WDFY3: variants seen among roughly 807,000 people sequenced by gnomAD.
WDFY3 encodes the protein WD repeat and FYVE domain containing 3.
WDFY3 carries 66 observed loss-of-function variants against 409.6 expected under a neutral mutation model. The ratio of observed to expected loss-of-function variants is 0.16; its 90% CI spans 0.13 to 0.20. WDFY3 has a LOEUF of 0.20. WDFY3 is among the 10% of genes least tolerant of loss of function. The pLI, the probability that WDFY3 is intolerant of heterozygous loss-of-function variation, is 1.00. For synonymous variants in WDFY3, 1,521 were observed against 1,537.1 expected, an observed-to-expected ratio of 0.99 and a Z score of 0.25; for missense variants, 3,031 against 4,298.1, an observed-to-expected ratio of 0.71 and a Z score of 8.24.
intron 3 of WDFY3, among the ~76,000 whole-genome samples, chr4:84,862,488 A>G (rs1760780098): frequency 6.6e-6 from 1 of 152,224 alleles, no homozygotes; most frequent in Non-Finnish European, 1.5e-5. Context: ...TGTTCCAATA[A>G]CCTACTATGT....
At position 84,716,876 on chromosome 4, in the gene WDFY3, G is replaced by A. The variant is rs760995665; in HGVS notation, c.7875+20C>T. 6 of 1,543,472 alleles carry A rather than the reference G, an allele frequency of 3.9e-6. No individual in the cohort carries two copies. Among genetic ancestry groups the A allele is most frequent in the Non-Finnish European group, 5.2e-6 (6 of 1,146,262 alleles). ...CAGAATAAAGAAACATGATAAAACA[G>A]TACTACTAAATTGACTCACCTGCAG... On this transcript the variant is annotated intron_variant, in intron 49 of 67. Coordinates refer to ENST00000295888, the MANE Select transcript of WDFY3 (RefSeq NM_014991.6).
chr4:84,836,156 C>T (rs1578744476), intron 7 of WDFY3, among the ~76,000 whole-genome samples: 1 of 152,122 alleles, frequency 6.6e-6, no homozygotes, highest in East Asian at 1.9e-4. Context: ...AAAAATAATT[C>T]CCTTTTCTTC....
At chr4:84,935,170 T>C (rs1317877835) in intron 1 of WDFY3, among the ~76,000 whole-genome samples, 1 of 152,196 alleles carries the variant, frequency 6.6e-6, no homozygotes, top group Non-Finnish European at 1.5e-5. Flanking sequence ...ATTATGAACA[T>C]TTATGTTATG....
intron 46 of WDFY3, 123 bp downstream of exon 46, chr4:84,724,303 A>G: frequency 8.9e-7 from 1 of 1,121,184 alleles, no homozygotes; most frequent in Non-Finnish European, 1.2e-6. Context: ...GTGAGATGGT[A>G]AAATGTGTAT....
chr4:84,781,433 C>T lies in WDFY3; in HGVS notation c.4175-1135G>A, dbSNP rs561735612. On this transcript the variant is annotated intron_variant, in intron 25 of 67. Coordinates refer to ENST00000295888, the MANE Select transcript of WDFY3 (RefSeq NM_014991.6). ...TTTGAGACAGGGTCTCATTGTCACC[C>T]AGGCTGGAATGCAGTGGCTCAATCA... is the stretch of plus-strand genomic sequence containing the variant. 4.0e-5 allele frequency among the ~76,000 whole-genome samples: 6 copies of T among 148,512 alleles called. No homozygotes were observed. The South Asian group carries it at 1.3e-3, about 32-fold the overall frequency.
rs1578702085 is a variant in WDFY3, at chr4:84,827,069, G to A, written c.957-88C>T. The stretch of plus-strand genomic sequence containing the variant: ...AAAGTATTTTTCAATTTTATATGCA[G>A]TAAATAAATGTATAAAGTACTCTGG... On this transcript the variant is annotated intron_variant, in intron 9 of 67. Transcript: ENST00000295888. The A allele has an allele frequency of 2.9e-6, 4 of 1,362,500 alleles. No homozygotes were observed. In the East Asian group the frequency reaches 9.9e-5, roughly 34 times the overall value. The allele number at this position is 1,362,500 out of a possible 1,614,324, so 84.4% of individuals were successfully genotyped here. A position where few individuals can be genotyped will look rare whatever the true frequency, so the allele number is the denominator to read the frequency against.
intron 1 of WDFY3, among the ~76,000 whole-genome samples, chr4:84,943,296 T>G (rs1772377086): frequency 6.6e-6 from 1 of 152,102 alleles, no homozygotes; most frequent in African/African-American, 2.4e-5. Flanking sequence ...GGTCAGGAGA[T>G]CGAGACCATC....
chr4:84,747,716 T>C (rs1028788319), intron 36 of WDFY3, among the ~76,000 whole-genome samples: 1 of 152,068 alleles, frequency 6.6e-6, no homozygotes, highest in Non-Finnish European at 1.5e-5. Flanking sequence ...TGAGATCTGA[T>C]GGTTTTATAA....
chr4:84,842,094 G>T (rs1757438890), intron 5 of WDFY3, among the ~76,000 whole-genome samples: 1 of 152,156 alleles, frequency 6.6e-6, no homozygotes, highest in African/African-American at 2.4e-5. Flanking sequence ...AGAGTAAATG[G>T]AGAAGTCTCT....
intron 3 of WDFY3, among the ~76,000 whole-genome samples, chr4:84,892,331 T>G (rs1020409084): frequency 6.6e-6 from 1 of 151,758 alleles, no homozygotes; most frequent in South Asian, 2.1e-4. Context: ...AAAGTGTGCA[T>G]GTGTGTGCGT....
chr4:84,892,209 C>T (rs949931155), intron 3 of WDFY3, among the ~76,000 whole-genome samples: 3 of 151,750 alleles, frequency 2.0e-5, no homozygotes, highest in South Asian at 4.2e-4. Flanking sequence ...CTAAACATAG[C>T]GTCACAATCA....
intron 48 of WDFY3, among the ~76,000 whole-genome samples, chr4:84,718,200 TA>T (rs1220431929): frequency 2.0e-5 from 3 of 151,214 alleles, no homozygotes; most frequent in Non-Finnish European, 4.4e-5. Flanking sequence ...TGCACAGAAA[TA>T]AATGTTATTT....
In WDFY3 at chr4:84,817,531, G is replaced by A; in HGVS notation, c.1748C>T (p.Pro583Leu). The A allele has an allele frequency of 6.2e-7, 1 of 1,613,730 alleles. No individual in the cohort carries two copies. Among genetic ancestry groups the A allele is most frequent in the African/African-American group, 1.3e-5 (1 of 74,968 alleles). The change falls in exon 13 of 68, where the codon CCT becomes CTT. Residue 583 changes from proline to leucine, a missense_variant. Pro to Leu is a moderately conservative substitution (Grantham distance 98). Transcript: ENST00000295888. The stretch of plus-strand genomic sequence containing the variant: ...CATCAAGGCATGCTGCCGGCATTGA[G>A]GGTACTTTACTATATTATGTGCACA... ...ARCAHNIVKY[P>L]QCRQHALMTI...
chr4:84,737,359 C>A lies in WDFY3; in HGVS notation c.6582G>T (p.Gln2194His). 2 of 1,563,472 alleles carry A rather than the reference C, an allele frequency of 1.3e-6. No homozygotes were observed. The highest frequency in any genetic ancestry group is 1.2e-5 in the South Asian group (1 of 84,298). The stretch of plus-strand genomic sequence containing the variant: ...CTCTGTTGACAGCTTTTATGAGAAG[C>A]TGACGCCCTAGTAAACAAACAAACA... Reference protein sequence around the residue: ...SYSQDISEGRQLLIKAVNRVW... With the variant: ...SYSQDISEGRHLLIKAVNRVW... The change falls in exon 41 of 68, where the codon CAG becomes CAT. Residue 2194 changes from glutamine to histidine, a missense_variant. By Grantham distance (24) the Gln-to-His change is conservative. This residue lies in a region of WDFY3 where 314 missense variants were observed against 397.4 expected (regional missense o/e 0.79). Coordinates refer to ENST00000295888, the MANE Select transcript of WDFY3 (RefSeq NM_014991.6).
At chr4:84,804,334 C>T (rs1427181797) in intron 15 of WDFY3, among the ~76,000 whole-genome samples, 1 of 152,150 alleles carries the variant, frequency 6.6e-6, no homozygotes, top group African/African-American at 2.4e-5. Context: ...TGAGCTCTGT[C>T]ACAGAGAGCA....
At chr4:84,779,181 T>C (rs1746078895) in intron 26 of WDFY3, among the ~76,000 whole-genome samples, 1 of 152,190 alleles carries the variant, frequency 6.6e-6, no homozygotes, top group Non-Finnish European at 1.5e-5. Flanking sequence ...TATTTTTTCA[T>C]GATAAACAAC....
rs1725189799 is a variant in WDFY3 at position 84,669,747 on chromosome 4, T to C, written c.*3121A>G. ...TTTTACATAACCACCAAGAAACAGA[T>C]ATTGGTTTCTGCAATATAGTATAAA... On this transcript the variant is annotated 3_prime_UTR_variant, in exon 68 of 68. Transcript: ENST00000295888. 2 of 149,480 alleles carry C rather than the reference T, an allele frequency of 1.3e-5. No individual in the cohort carries two copies. Among genetic ancestry groups the C allele is most frequent in the Non-Finnish European group, 3.0e-5 (2 of 67,422 alleles). The allele number at this position is 149,480 out of a possible 1,614,324, so 9.3% of individuals were successfully genotyped here.
intron 56 of WDFY3, 115 bp downstream of exon 56, chr4:84,702,238 G>C: frequency 1.7e-6 from 2 of 1,148,906 alleles, no homozygotes; most frequent in Non-Finnish European, 2.4e-6. Context: ...GCAAGAAACT[G>C]TATCAAATTT....
At chr4:84,964,376 G>A (rs1468437296) in intron 1 of WDFY3, among the ~76,000 whole-genome samples, 1 of 152,226 alleles carries the variant, frequency 6.6e-6, no homozygotes, top group Admixed American at 6.5e-5. Context: ...GGCTGTGGGA[G>A]AAGGATCACT....
Sources: allele counts gnomAD v4.1 joint callset (sites outside exome capture counted in the v4.1 genomes callset), GRCh38; gene constraint gnomAD v4.1.1; regional missense constraint gnomAD v4.1.1; transcripts MANE v1.5; gene names NCBI Gene and HGNC (gene_info 2026-07-23, HGNC 2026-07-21).